CACNA2D2: variants seen among roughly 807,000 people sequenced by gnomAD.
CACNA2D2 encodes calcium voltage-gated channel auxiliary subunit alpha2delta 2, also known as voltage-dependent calcium channel subunit alpha-2/delta-2.
Under a neutral mutation model 166.4 loss-of-function variants are expected in CACNA2D2, and 48 were observed. That is an observed-to-expected ratio of 0.29 (90% confidence interval 0.23 to 0.37). The LOEUF (loss-of-function observed/expected upper bound fraction) is 0.37. Ranked by LOEUF, CACNA2D2 falls within the 10% of genes least tolerant of loss-of-function variation. CACNA2D2 has a pLI of 1.00. For synonymous variants in CACNA2D2, 561 were observed against 573.7 expected (o/e 0.98, Z 0.32); for missense variants, 1,122 against 1,433.0 (o/e 0.78, Z 3.50).
intron 2 of CACNA2D2, among the ~76,000 whole-genome samples, chr3:50,462,897 A>G (rs1709655970): frequency 6.6e-6 from 1 of 151,922 alleles, no homozygotes. Context: ...AAAGAAAAAA[A>G]AAAGAGAGAG....
Position 50,365,058 on chromosome 3 carries a change from G to A in CACNA2D2, c.3208+17C>T, listed in dbSNP as rs1246384718. 6.2e-7 allele frequency: 1 copy of A among 1,604,542 alleles called. No individual in the cohort carries two copies. The highest frequency in any genetic ancestry group is 2.2e-5 in the East Asian group (1 of 44,714). ...GCAGAGGGGGAGCGGGCGGCGGGGA[G>A]GGCGGGGGCAGGATACAGTGCGTCT... On this transcript the variant is annotated intron_variant, in intron 36 of 37. Transcript: ENST00000424201. This position sits in a 1 kb window ranked among gnomAD's most constrained non-coding sequence, Gnocchi z 4.5.
chr3:50,378,271 C>A lies in CACNA2D2; in HGVS notation c.1389+13G>T. On this transcript the variant is annotated intron_variant, in intron 14 of 37. Transcript: ENST00000424201. ...AGCCAGGGGCTGGGAGGAGGGGCCT[C>A]CCCAAGTCTCACCTGTGTGTTGATG... The A allele has an allele frequency of 6.4e-7, 1 of 1,554,058 alleles. No individual in the cohort carries two copies. Among genetic ancestry groups the A allele is most frequent in the Non-Finnish European group, 8.7e-7 (1 of 1,148,476 alleles).
chr3:50,474,588 C>G (rs1300065221), intron 2 of CACNA2D2, among the ~76,000 whole-genome samples: 2 of 152,170 alleles, frequency 1.3e-5, no homozygotes, highest in Non-Finnish European at 2.9e-5. Context: ...ATAAAATAAA[C>G]AACATCTTCA....
intron 1 of CACNA2D2, among the ~76,000 whole-genome samples, chr3:50,485,860 C>T (rs138122150): frequency 6.6e-6 from 1 of 152,234 alleles, no homozygotes; most frequent in Non-Finnish European, 1.5e-5. Flanking sequence ...CACTAACAAA[C>T]AAGCCCGGGC....
At position 50,365,786 on chromosome 3, in the gene CACNA2D2, A is replaced by G. The variant is rs1433202210; in HGVS notation, c.2915+24T>C. The stretch of plus-strand genomic sequence containing the variant: ...CTCCCGGCCAGGGAGCACCTTCTCT[A>G]CCCACCTCCCGCTCAGGACTCACCA... On this transcript the variant is annotated intron_variant, in intron 33 of 37. Coordinates refer to ENST00000424201, the MANE Select transcript of CACNA2D2 (RefSeq NM_006030.4). The surrounding 1 kb of genome is among the most constrained non-coding windows in gnomAD (Gnocchi z 4.5). 6.2e-7 allele frequency: 1 copy of G among 1,613,080 alleles called. No homozygotes were observed.
intron 2 of CACNA2D2, among the ~76,000 whole-genome samples, chr3:50,454,887 A>C (rs1227647644): frequency 6.6e-6 from 1 of 152,122 alleles, no homozygotes; most frequent in Non-Finnish European, 1.5e-5. Context: ...GCGTGCTGGG[A>C]ACACTGCCTG....
intron 2 of CACNA2D2, among the ~76,000 whole-genome samples, chr3:50,449,232 C>G (rs1708994453): frequency 6.6e-6 from 1 of 152,144 alleles, no homozygotes; most frequent in South Asian, 2.1e-4. Flanking sequence ...AGATGGCAGC[C>G]CCCCACCCCT....
At chr3:50,371,537 C>T (rs1704655976) in intron 22 of CACNA2D2, among the ~76,000 whole-genome samples, 1 of 152,168 alleles carries the variant, frequency 6.6e-6, no homozygotes, top group South Asian at 2.1e-4. Flanking sequence ...GGTCCACCTT[C>T]TTAGCCTGTC....
chr3:50,390,601 T>C (rs1396193825), intron 4 of CACNA2D2, among the ~76,000 whole-genome samples: 1 of 152,016 alleles, frequency 6.6e-6, no homozygotes, highest in Non-Finnish European at 1.5e-5. Flanking sequence ...TTAGGGGCCA[T>C]TTTGCCCAAC....
chr3:50,500,322 T>G (rs111509842), intron 1 of CACNA2D2, among the ~76,000 whole-genome samples: 14 of 152,114 alleles, frequency 9.2e-5, no homozygotes, highest in African/African-American at 3.4e-4. Flanking sequence ...GAGGGTGCAG[T>G]CAGGTGGGCC....
At chr3:50,382,467 G>A (rs1473733181) in intron 6 of CACNA2D2, among the ~76,000 whole-genome samples, 1 of 152,338 alleles carries the variant, frequency 6.6e-6, no homozygotes, top group Admixed American at 6.5e-5. Context: ...CCTCTGGAGC[G>A]TGGAGCCTCT....
intron 5 of CACNA2D2, among the ~76,000 whole-genome samples, chr3:50,385,773 C>T (rs375855058): frequency 8.5e-5 from 13 of 152,328 alleles, no homozygotes; most frequent in Non-Finnish European, 1.5e-4. Flanking sequence ...AGAGTGGAAG[C>T]GGCCGACTGT....
intron 1 of CACNA2D2, among the ~76,000 whole-genome samples, chr3:50,489,508 G>A (rs1698432753): frequency 6.6e-6 from 1 of 152,200 alleles, no homozygotes; most frequent in South Asian, 2.1e-4. Context: ...TAGTCATGAG[G>A]TCTGGGCAGC....
intron 22 of CACNA2D2, chr3:50,373,223 T>C: frequency 1.3e-6 from 1 of 741,262 alleles, no homozygotes; most frequent in South Asian, 1.7e-5. Context: ...ATATTGTGTC[T>C]CATCATCATA....
chr3:50,462,042 G>A (rs907208202), intron 2 of CACNA2D2, among the ~76,000 whole-genome samples: 1 of 152,126 alleles, frequency 6.6e-6, no homozygotes, highest in East Asian at 1.9e-4. Flanking sequence ...ATAAAGTGGC[G>A]GGGAGTTGGG....
At chr3:50,386,184 C>A (rs1003738038) in intron 5 of CACNA2D2, among the ~76,000 whole-genome samples, 2 of 152,160 alleles carry the variant, frequency 1.3e-5, no homozygotes, top group African/African-American at 4.8e-5. Context: ...CAATCTCTAG[C>A]CCCCCAACAG....
chr3:50,435,605 G>A (rs1300920786), intron 2 of CACNA2D2, among the ~76,000 whole-genome samples: 1 of 139,488 alleles, frequency 7.2e-6, no homozygotes, highest in Non-Finnish European at 1.5e-5. Flanking sequence ...GTGACAGCGA[G>A]AAGGCAGGGA....
rs1385631798 is a variant in CACNA2D2, at chr3:50,365,587, G to T, written c.2971+46C>A. The T allele has an allele frequency of 6.3e-7, 1 of 1,576,018 alleles. No homozygotes were observed. Among genetic ancestry groups the T allele is most frequent in the Non-Finnish European group, 8.6e-7 (1 of 1,160,386 alleles). The stretch of plus-strand genomic sequence containing the variant: ...CTCCCCATGGAGTCGTCTTAGCTCA[G>T]ATTGGGGACCCGGACTTGAGGAGGC... On this transcript the variant is annotated intron_variant, in intron 34 of 37. Transcript: ENST00000424201. This position sits in a 1 kb window ranked among gnomAD's most constrained non-coding sequence, Gnocchi z 4.5.
At chr3:50,466,696 A>G (rs529464704) in intron 2 of CACNA2D2, among the ~76,000 whole-genome samples, 2 of 152,344 alleles carry the variant, frequency 1.3e-5, no homozygotes, top group South Asian at 4.1e-4. Flanking sequence ...TCTACAGTGG[A>G]TCACGGGACC....
Sources: gnomAD v4.1 joint callset for allele counts (sites outside exome capture counted in the v4.1 genomes callset) on GRCh38, gnomAD v4.1.1 for gene constraint, Gnocchi (gnomAD v3.1) non-coding constraint, MANE v1.5 for transcripts, NCBI Gene and HGNC (gene_info 2026-07-23, HGNC 2026-07-21) for gene names.